ATRN: variants seen among roughly 807,000 people sequenced by gnomAD.
ATRN encodes the protein attractin, also known as attractin-2.
Under a neutral mutation model 178.7 loss-of-function variants are expected in ATRN, and 54 were observed. The ratio of observed to expected loss-of-function variants is 0.30; its 90% CI spans 0.24 to 0.38. The LOEUF (loss-of-function observed/expected upper bound fraction) is 0.38, where lower values mean the gene tolerates loss of function less well. Among genes scored for constraint, ATRN ranks in the 10% least tolerant of loss-of-function variants. The probability of loss-of-function intolerance (pLI) is 1.00; values close to 1 mark genes in which losing one functional copy is unlikely to be tolerated. For synonymous variants in ATRN, 636 were observed against 663.0 expected, an observed-to-expected ratio of 0.96 and a Z score of 0.63; for missense variants, 1,443 against 1,815.1, an observed-to-expected ratio of 0.79 and a Z score of 3.73.
At chr20:3,640,681 A>T (rs997304476) in intron 27 of ATRN, among the ~76,000 whole-genome samples, 4 of 152,268 alleles carry the variant, frequency 2.6e-5, no homozygotes, top group Non-Finnish European at 5.9e-5. Context: ...GTATAAAGTG[A>T]TGGAGCCACT....
chr20:3,512,770 TTGTTTCC>T (rs1336138807), intron 1 of ATRN, among the ~76,000 whole-genome samples: 1 of 152,196 alleles, frequency 6.6e-6, no homozygotes, highest in Non-Finnish European at 1.5e-5. Flanking sequence ...CCAGCACCCG[TTGTTTCC>T]TGACTTTTTA....
intron 25 of ATRN, chr20:3,628,781 C>A: frequency 1.7e-6 from 1 of 602,612 alleles, no homozygotes; most frequent in Non-Finnish European, 2.1e-6. Flanking sequence ...AACCAACTGA[C>A]TGCTTCATGA....
At chr20:3,536,460 C>T (rs2085535064) in intron 2 of ATRN, among the ~76,000 whole-genome samples, 1 of 152,166 alleles carries the variant, frequency 6.6e-6, no homozygotes, top group African/African-American at 2.4e-5. Context: ...ATCCGCCTGC[C>T]TTGGCCACAC....
intron 5 of ATRN, among the ~76,000 whole-genome samples, chr20:3,548,690 A>C (rs147076720): frequency 6.6e-6 from 1 of 152,160 alleles, no homozygotes; most frequent in African/African-American, 2.4e-5. Flanking sequence ...GTTAAGTATT[A>C]TAAGTAATCT....
At chr20:3,611,677 G>A (rs1181242751) in intron 24 of ATRN, among the ~76,000 whole-genome samples, 1 of 152,238 alleles carries the variant, frequency 6.6e-6, no homozygotes, top group East Asian at 1.9e-4. Flanking sequence ...GGGAGGCAGA[G>A]GTTACAGTGA....
At chr20:3,626,986 C>G (rs1300053447) in intron 25 of ATRN, among the ~76,000 whole-genome samples, 1 of 151,984 alleles carries the variant, frequency 6.6e-6, no homozygotes, top group African/African-American at 2.4e-5. Context: ...GGGGTTTCAC[C>G]AGGTTGGCCA....
In ATRN at chr20:3,584,103, C is replaced by T; in HGVS notation, c.2950+20C>T. Reference sequence around the variant, plus strand: ...GCCCCCGTAAGTGAAAAAGGGAGCCCTAGGCACTTATGCATGCCCTCTGTA... The same window carrying T: ...GCCCCCGTAAGTGAAAAAGGGAGCCTTAGGCACTTATGCATGCCCTCTGTA... On this transcript the variant is annotated intron_variant, in intron 17 of 28. Transcript: ENST00000262919. The T allele has an allele frequency of 1.2e-6, 2 of 1,610,892 alleles. No homozygotes were observed. Among genetic ancestry groups the T allele is most frequent in the South Asian group, 2.2e-5 (2 of 90,888 alleles).
intron 6 of ATRN, among the ~76,000 whole-genome samples, chr20:3,553,962 G>C (rs2085825277): frequency 6.6e-6 from 1 of 152,166 alleles, no homozygotes; most frequent in Non-Finnish European, 1.5e-5. Context: ...AGTTCTTCAA[G>C]GTTAGGGACC....
chr20:3,533,314 G>A (rs767252695), intron 1 of ATRN, among the ~76,000 whole-genome samples: 3 of 152,186 alleles, frequency 2.0e-5, no homozygotes, highest in African/African-American at 4.8e-5. Context: ...TTCTGTGTCA[G>A]AGATTCATGG....
intron 1 of ATRN, among the ~76,000 whole-genome samples, chr20:3,533,077 T>C (rs2085477196): frequency 6.6e-6 from 1 of 152,228 alleles, no homozygotes; most frequent in Admixed American, 6.5e-5. Flanking sequence ...TATGGGCCTC[T>C]TCATGGTGTG....
chr20:3,471,286 GGCT>G lies in ATRN; in HGVS notation c.193_195del (p.Leu68del), dbSNP rs774052205. ...CTGCTGTCTCCACCGCTGCGGCCACGGCTGCTGCTGCTGCTGTTGTTGCTCTCG... is the reference window on the plus strand; with the variant it reads ...CTGCTGTCTCCACCGCTGCGGCCACGGCTGCTGCTGCTGTTGTTGCTCTCG... On this transcript the variant is annotated inframe_deletion, in exon 1 of 29. Coordinates refer to ENST00000262919, the MANE Select transcript of ATRN (RefSeq NM_139321.3). 7.8e-5 allele frequency: 115 copies of G among 1,468,558 alleles called. No homozygotes were observed. The highest frequency in any genetic ancestry group is 5.7e-4 in the Admixed American group (23 of 40,546). The allele number at this position is 1,468,558 out of a possible 1,614,324, so 91.0% of individuals were successfully genotyped here.
chr20:3,549,303 T>C lies in ATRN; in HGVS notation c.1077T>C (p.Tyr359=). 1 of 1,607,274 alleles carries C rather than the reference T, an allele frequency of 6.2e-7. No individual in the cohort carries two copies. Among genetic ancestry groups the C allele is most frequent in the Non-Finnish European group, 8.5e-7 (1 of 1,177,880 alleles). Residue 359 remains tyrosine, a synonymous_variant, in exon 6 of 29, where the codon TAT becomes TAC. Transcript: ENST00000262919. ...ACATTATGTGGGTTGTTGGAGGATA[T>C]ATGTTCAACCACTCAGATTATAACA... ...NGNIMWVVGG[Y]MFNHSDYNMV...
At chr20:3,543,995 C>T (rs1209545717) in intron 3 of ATRN, among the ~76,000 whole-genome samples, 1 of 152,206 alleles carries the variant, frequency 6.6e-6, no homozygotes, top group Non-Finnish European at 1.5e-5. Context: ...GATCATGCCA[C>T]TGCACTCTAG....
chr20:3,607,070 A>G (rs553411155), intron 24 of ATRN, among the ~76,000 whole-genome samples: 6 of 151,870 alleles, frequency 4.0e-5, no homozygotes, highest in Non-Finnish European at 8.8e-5. Context: ...TATTTTTTCT[A>G]GGTTTTTATA....
rs1372764839 is a variant in ATRN at position 3,645,502 on chromosome 20, C to T, written c.4166-1221C>T. ...AGCCCAGCAAACAGTGGCTGGTGTG[C>T]CCTGAGGGCAGGGTGGCGGCTGGGG... On this transcript the variant is annotated intron_variant, in intron 28 of 28. Coordinates refer to ENST00000262919, the MANE Select transcript of ATRN (RefSeq NM_139321.3). This position sits in a 1 kb window ranked among gnomAD's most constrained non-coding sequence, Gnocchi z 4.7. 6.6e-6 allele frequency among the ~76,000 whole-genome samples: 1 copy of T among 152,198 alleles called. No individual in the cohort carries two copies. The highest frequency in any genetic ancestry group is 1.9e-4 in the East Asian group (1 of 5,192).
At chr20:3,644,540 A>G (rs781591208) in intron 28 of ATRN, among the ~76,000 whole-genome samples, 5 of 152,010 alleles carry the variant, frequency 3.3e-5, no homozygotes, top group African/African-American at 7.3e-5. Context: ...GCCTCTGACC[A>G]CACCTTCCTT....
intron 1 of ATRN, among the ~76,000 whole-genome samples, chr20:3,474,761 C>T (rs569147440): frequency 1.4e-5 from 2 of 141,338 alleles, no homozygotes; most frequent in African/African-American, 2.7e-5. Context: ...AGGCCAAGCG[C>T]GGTGACTCAC....
At chr20:3,604,941 T>C (rs946829173) in intron 24 of ATRN, among the ~76,000 whole-genome samples, 2 of 152,280 alleles carry the variant, frequency 1.3e-5, no homozygotes, top group East Asian at 3.9e-4. Flanking sequence ...ATTTTAACTT[T>C]TTATACTCAT....
At position 3,647,022 on chromosome 20, in the gene ATRN, C is replaced by A; in HGVS notation, c.*175C>A. 2.4e-6 allele frequency: 2 copies of A among 816,888 alleles called. No individual in the cohort carries two copies. The highest frequency in any genetic ancestry group is 3.6e-6 in the Non-Finnish European group (2 of 558,074). The allele number at this position is 816,888 out of a possible 1,614,324, so 50.6% of individuals were successfully genotyped here. ...GCTTTCTTTGACGGTTTCTCCCATC[C>A]GTGTTCCAGCATCTAACCTTTTACT... is the stretch of plus-strand genomic sequence containing the variant. On this transcript the variant is annotated 3_prime_UTR_variant, in exon 29 of 29. Coordinates refer to ENST00000262919, the MANE Select transcript of ATRN (RefSeq NM_139321.3).
Sources: allele counts gnomAD v4.1 joint callset (sites outside exome capture counted in the v4.1 genomes callset), GRCh38; gene constraint gnomAD v4.1.1; non-coding constraint Gnocchi (gnomAD v3.1); transcripts MANE v1.5; gene names NCBI Gene and HGNC (gene_info 2026-07-23, HGNC 2026-07-21).